The following ITGA9 variants were observed in gnomAD, a reference collection of about 807,000 sequenced individuals.
ITGA9 encodes integrin subunit alpha 9, also known as integrin alpha-9.
ITGA9 carries 56 observed loss-of-function variants against 127.8 expected under a neutral mutation model. The ratio of observed to expected loss-of-function variants is 0.44; its 90% CI spans 0.35 to 0.55. ITGA9 has a LOEUF of 0.55. Ranked by LOEUF, ITGA9 falls within the 20% of genes least tolerant of loss-of-function variation. The probability of loss-of-function intolerance (pLI) is 0.00; values close to 1 mark genes in which losing one functional copy is unlikely to be tolerated. For missense variants in ITGA9, 1,196 were observed against 1,347.1 expected (o/e 0.89, Z 1.76); for synonymous variants, 508 against 514.5 (o/e 0.99, Z 0.17).
chr3:37,498,654 G>C (rs1416718479), intron 5 of ITGA9, among the ~76,000 whole-genome samples: 2 of 152,222 alleles, frequency 1.3e-5, no homozygotes, highest in Admixed American at 1.3e-4. Context: ...GTGGGGACAT[G>C]GTGGGTGTAC....
chr3:37,512,014 T>C (rs909337421), intron 8 of ITGA9, among the ~76,000 whole-genome samples: 2,483 of 31,838 alleles, frequency 0.078, 235 homozygotes, highest in East Asian at 0.11. Context: ...TTTTCTTTTC[T>C]TTTCTTTTCT....
chr3:37,464,046 A>T (rs1698343767), intron 1 of ITGA9, among the ~76,000 whole-genome samples: 1 of 152,120 alleles, frequency 6.6e-6, no homozygotes, highest in African/African-American at 2.4e-5. Flanking sequence ...TACAAGGATC[A>T]GTGACAAGGG....
rs1698930079 is a variant in ITGA9, at chr3:37,512,124, CTTTTCTT to C, written c.898-1636_898-1630del. ...TCCTTCCTTCCTTCCTTCCTTCTTT[CTTTTCTT>C]TTCTTTTCTTTTCTTTTCTTTTCTT... On this transcript the variant is annotated intron_variant, in intron 8 of 27. Coordinates refer to ENST00000264741, the MANE Select transcript of ITGA9 (RefSeq NM_002207.3). Among the ~76,000 whole-genome samples, 40 of 15,322 alleles carry C rather than the reference CTTTTCTT, an allele frequency of 2.6e-3. 2 individuals carry two copies. The highest frequency in any genetic ancestry group is 8.5e-3 in the African/African-American group (37 of 4,338). The allele number at this position is 15,322 out of a possible 152,430, so 10.1% of individuals were successfully genotyped here. A position where few individuals can be genotyped will look rare whatever the true frequency, so the allele number is the denominator to read the frequency against.
chr3:37,783,098 C>T (rs1481597945), intron 25 of ITGA9, among the ~76,000 whole-genome samples: 2 of 151,742 alleles, frequency 1.3e-5, no homozygotes, highest in Non-Finnish European at 2.9e-5. Flanking sequence ...AAGATCGTGC[C>T]ATTGCACTCC....
intron 15 of ITGA9, among the ~76,000 whole-genome samples, chr3:37,607,456 T>C (rs1434609981): frequency 6.6e-6 from 1 of 152,178 alleles, no homozygotes; most frequent in Non-Finnish European, 1.5e-5. Context: ...CATGGTAGGA[T>C]GGGTGTTAAT....
chr3:37,612,812 C>T (rs1700036260), intron 15 of ITGA9, among the ~76,000 whole-genome samples: 1 of 152,196 alleles, frequency 6.6e-6, no homozygotes, highest in South Asian at 2.1e-4. Flanking sequence ...TCTTTCTGAG[C>T]TTTGCCTTTT....
At chr3:37,487,576 C>T (rs1010620294) in intron 4 of ITGA9, among the ~76,000 whole-genome samples, 2 of 152,170 alleles carry the variant, frequency 1.3e-5, no homozygotes, top group African/African-American at 4.8e-5. Flanking sequence ...TACCTGGTGC[C>T]AGGGGTTGTG....
At chr3:37,481,299 A>G (rs1466752304) in intron 3 of ITGA9, among the ~76,000 whole-genome samples, 185 bp from the exon 4 acceptor site, 11 of 152,154 alleles carry the variant, frequency 7.2e-5, no homozygotes, top group Non-Finnish European at 1.5e-4. Context: ...GTAGGCTCCC[A>G]GTGGCTTGTT....
intron 3 of ITGA9, among the ~76,000 whole-genome samples, chr3:37,479,413 G>T (rs1325861926): frequency 3.9e-5 from 6 of 152,232 alleles, no homozygotes; most frequent in African/African-American, 9.6e-5. Context: ...CTCAGGTTTT[G>T]AGAGTCATTC....
At chr3:37,818,532 G>C (rs1423652315) in intron 27 of ITGA9, 1 of 279,570 alleles carries the variant, frequency 3.6e-6, no homozygotes, top group South Asian at 3.6e-5. Flanking sequence ...CAAAGTGCTG[G>C]GATTACAGGC....
intron 3 of ITGA9, among the ~76,000 whole-genome samples, chr3:37,478,930 C>T (rs928762148): frequency 1.3e-5 from 2 of 152,170 alleles, no homozygotes; most frequent in African/African-American, 2.4e-5. Context: ...AGACAATACA[C>T]CAGACATTAA....
In ITGA9 at chr3:37,452,344, G is replaced by C. The variant is rs1698200454; in HGVS notation, c.-31G>C. The C allele has an allele frequency of 2.7e-6, 3 of 1,095,170 alleles. No individual in the cohort carries two copies. Among genetic ancestry groups the C allele is most frequent in the Non-Finnish European group, 3.3e-6 (3 of 902,744 alleles). The allele number at this position is 1,095,170 out of a possible 1,614,324, so 67.8% of individuals were successfully genotyped here. A position where few individuals can be genotyped will look rare whatever the true frequency, so the allele number is the denominator to read the frequency against. On this transcript the variant is annotated 5_prime_UTR_variant, in exon 1 of 28. Transcript: ENST00000264741. The surrounding 1 kb of genome is among the most constrained non-coding windows in gnomAD (Gnocchi z 7.3). ...CCGCGCGCTCGGCGCCCTGCTCGCC[G>C]GGCAGAGGGGAAGGCGGCGGCCGGC...
At chr3:37,460,344 AAGAATG>A (rs1301703006) in intron 1 of ITGA9, among the ~76,000 whole-genome samples, 1 of 152,244 alleles carries the variant, frequency 6.6e-6, no homozygotes, top group Non-Finnish European at 1.5e-5. Context: ...AAAAATTAGA[AAGAATG>A]AGTAAGAATG....
At chr3:37,546,365 A>G (rs1391820299) in intron 15 of ITGA9, among the ~76,000 whole-genome samples, 1 of 152,220 alleles carries the variant, frequency 6.6e-6, no homozygotes, top group Non-Finnish European at 1.5e-5. Flanking sequence ...CTGCAGGGGA[A>G]TTGACTGGGA....
intron 11 of ITGA9, among the ~76,000 whole-genome samples, chr3:37,519,966 C>G (rs17036512): frequency 0.045 from 6,907 of 152,300 alleles, 439 homozygotes; most frequent in African/African-American, 0.15. Flanking sequence ...GGATGTCTGC[C>G]TGTGGAGTGG....
chr3:37,606,456 T>C (rs772354688), intron 15 of ITGA9, among the ~76,000 whole-genome samples: 6 of 152,138 alleles, frequency 3.9e-5, no homozygotes, highest in Non-Finnish European at 7.4e-5. Context: ...GTCATTTAAA[T>C]TTAAAGAGCA....
Position 37,545,453 on chromosome 3 carries a change from C to A in ITGA9, c.1689+2868C>A, listed in dbSNP as rs150112049. Among the ~76,000 whole-genome samples the A allele has an allele frequency of 1.2e-4, 19 of 152,298 alleles. No individual in the cohort carries two copies. In the East Asian group the frequency reaches 2.7e-3, roughly 22 times the overall value. Reference sequence around the variant, plus strand: ...ACTTTATCATGGAAGACCGCACAGGCTAACACCTGTTTTCCAGGCTAACTG... The same window carrying A: ...ACTTTATCATGGAAGACCGCACAGGATAACACCTGTTTTCCAGGCTAACTG... On this transcript the variant is annotated intron_variant, in intron 15 of 27. Coordinates refer to ENST00000264741, the MANE Select transcript of ITGA9 (RefSeq NM_002207.3).
chr3:37,694,470 A>G (rs1200677260), intron 18 of ITGA9, among the ~76,000 whole-genome samples: 3 of 152,222 alleles, frequency 2.0e-5, no homozygotes, highest in Non-Finnish European at 4.4e-5. Flanking sequence ...GCAGATGTCC[A>G]TTTCAAATCA....
At chr3:37,517,825 G>A (rs1314893514) in intron 10 of ITGA9, among the ~76,000 whole-genome samples, 2 of 152,250 alleles carry the variant, frequency 1.3e-5, no homozygotes, top group East Asian at 3.8e-4. Flanking sequence ...GCCCACTGGA[G>A]TTTTGCCTCT....
Sources: gnomAD v4.1 joint callset for allele counts (sites outside exome capture counted in the v4.1 genomes callset) on GRCh38, gnomAD v4.1.1 for gene constraint, Gnocchi (gnomAD v3.1) non-coding constraint, MANE v1.5 for transcripts, NCBI Gene and HGNC (gene_info 2026-07-23, HGNC 2026-07-21) for gene names.